Variants in ANO5 observed in about 807,000 individuals in gnomAD.
The protein encoded by ANO5 is anoctamin-5.
Under a neutral mutation model 121.0 loss-of-function variants are expected in ANO5, and 109 were observed. The observed-to-expected ratio is 0.90, with a 90% CI of 0.77 to 1.06. The LOEUF (loss-of-function observed/expected upper bound fraction) is 1.06, where lower values mean the gene tolerates loss of function less well. Among genes scored for constraint, ANO5 ranks in the 50% least tolerant of loss-of-function variants. The pLI is 0.00. For synonymous variants in ANO5, 406 were observed against 359.9 expected (o/e 1.13, Z -1.45); for missense variants, 1,064 against 1,078.5 (o/e 0.99, Z 0.19).
In ANO5 at chr11:22,227,497, T is replaced by C; in HGVS notation, c.559T>C (p.Phe187Leu). 1 of 1,613,590 alleles carries C rather than the reference T, an allele frequency of 6.2e-7. No homozygotes were observed. Among genetic ancestry groups the C allele is most frequent in the Non-Finnish European group, 8.5e-7 (1 of 1,179,746 alleles). Residue 187 changes from phenylalanine to leucine, a missense_variant, in exon 7 of 22, where the codon TTT (phenylalanine) becomes CTT (leucine). Transcript: ENST00000324559. Reference protein sequence around the residue: ...LSVKYPHPEYFTAQFSRHRQE... With the variant: ...LSVKYPHPEYLTAQFSRHRQE... ...TGTGAAGTATCCCCATCCTGAATAT[T>C]TTACTGCACAATTCAGCAGACATCG... is the stretch of plus-strand genomic sequence containing the variant.
intron 19 of ANO5, among the ~76,000 whole-genome samples, chr11:22,274,040 C>G (rs979231407): frequency 6.6e-6 from 1 of 151,896 alleles, no homozygotes; most frequent in Non-Finnish European, 1.5e-5. Flanking sequence ...TATTCCAGAA[C>G]TTAGGAAAGG....
intron 7 of ANO5, among the ~76,000 whole-genome samples, chr11:22,227,907 A>G (rs1186848415): frequency 6.6e-6 from 1 of 152,112 alleles, no homozygotes. Context: ...AAATGGTTTT[A>G]CAAACTTGGA....
chr11:22,262,407 A>G (rs892558736), intron 16 of ANO5, 109 bp downstream of exon 16: 1 of 1,122,884 alleles, frequency 8.9e-7, no homozygotes, highest in South Asian at 1.4e-5. Flanking sequence ...AAATATATCT[A>G]GGCACTGACT....
In ANO5 at chr11:22,279,859, CCTTTCT is replaced by C. The variant is rs1228494489; in HGVS notation, c.*95_*100del. 5.8e-6 allele frequency: 6 copies of C among 1,042,872 alleles called. No homozygotes were observed. The East Asian group carries it at 1.3e-4, about 23-fold the overall frequency. 64.6% of individuals were successfully genotyped at this position (1,042,872 alleles called of 1,614,324 possible). On this transcript the variant is annotated 3_prime_UTR_variant, in exon 22 of 22. Coordinates refer to ENST00000324559, the MANE Select transcript of ANO5 (RefSeq NM_213599.3). ...GCCAGAAGCCATGTGTCAATTTTAC[CCTTTCT>C]TTTTTTTTTTTTTCTTTTTTTTTTT...
intron 9 of ANO5, among the ~76,000 whole-genome samples, chr11:22,241,271 C>T (rs909390224): frequency 1.0e-3 from 7 of 6,814 alleles, no homozygotes; most frequent in East Asian, 4.6e-3. Flanking sequence ...ATATATACCA[C>T]GTTTTATTTA....
At chr11:22,237,913 T>C (rs905200989) in intron 8 of ANO5, among the ~76,000 whole-genome samples, 29 of 152,176 alleles carry the variant, frequency 1.9e-4, no homozygotes, top group African/African-American at 6.8e-4. Context: ...AATGTAGTAG[T>C]ATTTGCATAT....
At chr11:22,248,797 C>T (rs1283873167) in intron 9 of ANO5, among the ~76,000 whole-genome samples, 4 of 151,804 alleles carry the variant, frequency 2.6e-5, no homozygotes, top group Non-Finnish European at 5.9e-5. Context: ...CTTATGAATA[C>T]TTAAAGAATT....
At chr11:22,265,132 T>C (rs753264017) in intron 17 of ANO5, among the ~76,000 whole-genome samples, 23 of 152,068 alleles carry the variant, frequency 1.5e-4, no homozygotes, top group Non-Finnish European at 3.2e-4. Context: ...TGAATCAAGA[T>C]AATAGAATTC....
chr11:22,196,218 G>T (rs1403528020), intron 1 of ANO5, among the ~76,000 whole-genome samples: 3 of 152,148 alleles, frequency 2.0e-5, no homozygotes, highest in Non-Finnish European at 2.9e-5. Flanking sequence ...AAGGACCTTT[G>T]TGCTGCCTCT....
chr11:22,227,340 T>C lies in ANO5; in HGVS notation c.402T>C (p.His134=). 4 of 1,613,500 alleles carry C rather than the reference T, an allele frequency of 2.5e-6. No individual in the cohort carries two copies. Among genetic ancestry groups the C allele is most frequent in the Non-Finnish European group, 3.4e-6 (4 of 1,179,712 alleles). The change falls in exon 7 of 22, where the codon CAT becomes CAC. Residue 134 remains histidine, a synonymous_variant. Coordinates refer to ENST00000324559, the MANE Select transcript of ANO5 (RefSeq NM_213599.3). ...EDGRTYFVKI[H]APWEVLVTYA... ...GAAGAACTTATTTTGTCAAGATCCA[T>C]GCCCCTTGGGAGGTATTAGTTACCT...
In ANO5 at chr11:22,236,283, A is replaced by G. The variant is rs2133648904; in HGVS notation, c.762+7A>G. 2.5e-6 allele frequency: 4 copies of G among 1,592,956 alleles called. No homozygotes were observed. The highest frequency in any genetic ancestry group is 2.2e-5 in the East Asian group (1 of 44,576). On this transcript the variant is annotated splice_region_variant and intron_variant, in intron 8 of 21. Coordinates refer to ENST00000324559, the MANE Select transcript of ANO5 (RefSeq NM_213599.3). ...TGCCTATCCACTCCATGATGTATGTATAGGTTTGATTGTGAAAATCTGAGC... is the reference window on the plus strand; with the variant it reads ...TGCCTATCCACTCCATGATGTATGTGTAGGTTTGATTGTGAAAATCTGAGC...
chr11:22,271,817 G>C (rs1229010335), intron 18 of ANO5, among the ~76,000 whole-genome samples: 2 of 152,120 alleles, frequency 1.3e-5, no homozygotes, highest in Non-Finnish European at 2.9e-5. Flanking sequence ...AAAGATATTA[G>C]ATGTGAACCT....
intron 13 of ANO5, 44 bp downstream of exon 13, chr11:22,255,566 A>G: frequency 6.2e-7 from 1 of 1,600,472 alleles, no homozygotes; most frequent in South Asian, 1.1e-5. Flanking sequence ...CTCAATGGAC[A>G]CACTGCTATA....
chr11:22,201,948 G>A lies in ANO5; in HGVS notation c.41-1856G>A, dbSNP rs150454799. ...TACAGAGGAATAATTGTGTGTTAAG[G>A]CCCCTCAAAGAGGGAGAATGGAACT... On this transcript the variant is annotated intron_variant, in intron 1 of 21. Transcript: ENST00000324559. 3.2e-4 allele frequency among the ~76,000 whole-genome samples: 49 copies of A among 152,152 alleles called. 1 individual carries two copies. In the East Asian group the frequency reaches 8.9e-3, roughly 28 times the overall value.
At chr11:22,192,720 A>G (rs1461844752), upstream of ANO5, among the ~76,000 whole-genome samples, 1 of 152,162 alleles carries the variant, frequency 6.6e-6, no homozygotes, top group Non-Finnish European at 1.5e-5. Flanking sequence ...GAGGATTCCG[A>G]CAGGAGGGAA....
Position 22,259,674 on chromosome 11 carries a change from G to C in ANO5, c.1563G>C (p.Leu521Phe). 6.2e-7 allele frequency: 1 copy of C among 1,614,042 alleles called. No homozygotes were observed. The highest frequency in any genetic ancestry group is 8.5e-7 in the Non-Finnish European group (1 of 1,179,980). ...CCACATCACTCACAGGATCATGCTT[G>C]AACTTTATTGTCATCTTGATCTTGA... Reference protein sequence around the residue: ...QITTSLTGSCLNFIVILILNF... With the variant: ...QITTSLTGSCFNFIVILILNF... Residue 521 changes from leucine (L) to phenylalanine (F), a missense_variant, in exon 15 of 22, where the codon TTG (leucine) becomes TTC (phenylalanine). Physicochemically the swap from Leu to Phe is conservative, Grantham distance 22. Transcript: ENST00000324559.
At position 22,280,255 on chromosome 11, in the gene ANO5, A is replaced by T. The variant is rs1234025377; in HGVS notation, c.*490A>T. On this transcript the variant is annotated 3_prime_UTR_variant, in exon 22 of 22. Coordinates refer to ENST00000324559, the MANE Select transcript of ANO5 (RefSeq NM_213599.3). ...TTTTAAAATATGCAAATGAATTGCC[A>T]AGATCAGATGACATAAGAAAACTCA... 1 of 157,280 alleles carries T rather than the reference A, an allele frequency of 6.4e-6. No individual in the cohort carries two copies. The highest frequency in any genetic ancestry group is 2.4e-5 in the African/African-American group (1 of 41,436). The allele number at this position is 157,280 out of a possible 1,614,324, so 9.7% of individuals were successfully genotyped here. A position where few individuals can be genotyped will look rare whatever the true frequency, so the allele number is the denominator to read the frequency against.
At chr11:22,227,703 A>G (rs1852892146) in intron 7 of ANO5, 117 bp downstream of exon 7, 1 of 1,305,530 alleles carries the variant, frequency 7.7e-7, no homozygotes, top group Non-Finnish European at 1.1e-6. Context: ...TATAGGATAT[A>G]AGCATTTGGT....
intron 3 of ANO5, among the ~76,000 whole-genome samples, chr11:22,215,982 C>G (rs4922983): frequency 0.69 from 104,922 of 151,712 alleles, 37,825 homozygotes; most frequent in Non-Finnish European, 0.81. Context: ...CTAATAAATT[C>G]ATTCTTTCTG....
Sources: gnomAD v4.1 joint callset for allele counts (sites outside exome capture counted in the v4.1 genomes callset) on GRCh38, gnomAD v4.1.1 for gene constraint, MANE v1.5 for transcripts, NCBI Gene and HGNC (gene_info 2026-07-23, HGNC 2026-07-21) for gene names.